SORCS3: variants seen among roughly 807,000 people sequenced by gnomAD.
The protein encoded by SORCS3 is sortilin related VPS10 domain containing receptor 3, also known as VPS10 domain-containing receptor SorCS3.
A neutral mutation model predicts 146.3 loss-of-function variants in SORCS3; 57 were observed. The ratio of observed to expected loss-of-function variants is 0.39; its 90% CI spans 0.31 to 0.49. SORCS3 has a LOEUF of 0.49. Among genes scored for constraint, SORCS3 ranks in the 20% least tolerant of loss-of-function variants. The probability of loss-of-function intolerance (pLI) is 0.92; values close to 1 mark genes in which losing one functional copy is unlikely to be tolerated. For missense variants in SORCS3, 1,341 were observed against 1,575.5 expected, an observed-to-expected ratio of 0.85 and a Z score of 2.52; for synonymous variants, 653 against 618.5, an observed-to-expected ratio of 1.06 and a Z score of -0.83.
In SORCS3 at chr10:104,838,041, G is replaced by T. The variant is rs148459735; in HGVS notation, c.628-4751G>T. Among the ~76,000 whole-genome samples the T allele has an allele frequency of 6.7e-3, 1,019 of 152,268 alleles. 11 individuals carry two copies. Among genetic ancestry groups the T allele is most frequent in the African/African-American group, 0.023 (958 of 41,544 alleles). On this transcript the variant is annotated intron_variant, in intron 1 of 26. Transcript: ENST00000369701. Reference sequence around the variant, plus strand: ...AAATGGGCGATATTATATAATACCTGCTCTGTTTCAAAGGTTTTTTGTGAA... The same window carrying T: ...AAATGGGCGATATTATATAATACCTTCTCTGTTTCAAAGGTTTTTTGTGAA...
At chr10:105,152,973 T>C (rs999636346) in intron 9 of SORCS3, among the ~76,000 whole-genome samples, 2 of 152,190 alleles carry the variant, frequency 1.3e-5, no homozygotes, top group East Asian at 3.8e-4. Flanking sequence ...GTATAATTTA[T>C]GTATAGTAAA....
At chr10:104,721,934 T>A (rs1450956735) in intron 1 of SORCS3, among the ~76,000 whole-genome samples, 3 of 152,204 alleles carry the variant, frequency 2.0e-5, no homozygotes, top group East Asian at 3.8e-4. Context: ...CAGGAACAAT[T>A]TGACTTCCTC....
rs74155043 is a variant in SORCS3 at position 104,822,206 on chromosome 10, C to T, written c.628-20586C>T. On this transcript the variant is annotated intron_variant, in intron 1 of 26. Coordinates refer to ENST00000369701, the MANE Select transcript of SORCS3 (RefSeq NM_014978.3). ...ACTGAGGCCTTAATTCCCAAGCACA[C>T]GTTGTCTGTTTCTTATCATGGAGGG... 5.9e-3 allele frequency: 2,551 copies of T among 434,406 alleles called. 57 individuals are homozygous for T. The highest frequency in any genetic ancestry group is 0.046 in the African/African-American group (2,309 of 49,660). The allele number at this position is 434,406 out of a possible 1,614,324, so 26.9% of individuals were successfully genotyped here. A position where few individuals can be genotyped will look rare whatever the true frequency, so the allele number is the denominator to read the frequency against.
At chr10:105,050,123 C>A (rs1482239742) in intron 5 of SORCS3, among the ~76,000 whole-genome samples, 2 of 151,936 alleles carry the variant, frequency 1.3e-5, no homozygotes, top group Non-Finnish European at 2.9e-5. Context: ...GTTGTATATT[C>A]CCACCTGTAA....
chr10:105,183,711 G>A (rs935599587), intron 14 of SORCS3, among the ~76,000 whole-genome samples: 2 of 152,160 alleles, frequency 1.3e-5, no homozygotes, highest in Admixed American at 1.3e-4. Flanking sequence ...CGCCAGGCTT[G>A]CCAGCAACTC....
chr10:105,212,179 A>T (rs2056638020), intron 17 of SORCS3, among the ~76,000 whole-genome samples: 1 of 152,220 alleles, frequency 6.6e-6, no homozygotes, highest in African/African-American at 2.4e-5. Context: ...CAACAAAGGA[A>T]AAAATATGAT....
At chr10:104,655,018 C>T (rs574672338) in intron 1 of SORCS3, among the ~76,000 whole-genome samples, 1 of 152,092 alleles carries the variant, frequency 6.6e-6, no homozygotes, top group Non-Finnish European at 1.5e-5. Context: ...TTTGGGAGAC[C>T]AAGGCAGACA....
intron 1 of SORCS3, among the ~76,000 whole-genome samples, chr10:104,727,073 C>A (rs1420033966): frequency 5.9e-5 from 9 of 152,162 alleles, no homozygotes; most frequent in Admixed American, 5.9e-4. Context: ...CATTGTCTCC[C>A]AATCTGAACT....
intron 1 of SORCS3, among the ~76,000 whole-genome samples, chr10:104,808,203 G>A (rs778255239): frequency 2.4e-4 from 36 of 152,144 alleles, no homozygotes; most frequent in Admixed American, 9.8e-4. Context: ...AGCAGGATAC[G>A]TTCTGCTTTT....
intron 2 of SORCS3, among the ~76,000 whole-genome samples, chr10:104,851,573 G>A (rs552939798): frequency 1.3e-5 from 2 of 152,138 alleles, no homozygotes; most frequent in Non-Finnish European, 2.9e-5. Flanking sequence ...GCATTTCCTT[G>A]CTCTCTAAGG....
At chr10:104,728,815 T>G (rs759030162) in intron 1 of SORCS3, among the ~76,000 whole-genome samples, 1 of 152,196 alleles carries the variant, frequency 6.6e-6, no homozygotes, top group Non-Finnish European at 1.5e-5. Flanking sequence ...CCAGGCTCAC[T>G]GAGAGACTAG....
intron 1 of SORCS3, among the ~76,000 whole-genome samples, chr10:104,830,475 C>T (rs1168729535): frequency 6.6e-6 from 1 of 152,102 alleles, no homozygotes; most frequent in Non-Finnish European, 1.5e-5. Flanking sequence ...AACCCAGGAG[C>T]CTGTGCTGCT....
intron 3 of SORCS3, among the ~76,000 whole-genome samples, chr10:104,935,984 G>C (rs73342171): frequency 0.048 from 7,241 of 152,214 alleles, 192 homozygotes; most frequent in Middle Eastern, 0.065. Context: ...CATTGCATCA[G>C]GTCTGTGTCC....
At chr10:104,862,942 A>G (rs1462743496) in intron 2 of SORCS3, among the ~76,000 whole-genome samples, 1 of 152,180 alleles carries the variant, frequency 6.6e-6, no homozygotes, top group Non-Finnish European at 1.5e-5. Flanking sequence ...CATCCTTGAG[A>G]TGGGAAATGT....
chr10:105,019,800 A>G (rs566215179), intron 4 of SORCS3, among the ~76,000 whole-genome samples: 23 of 152,222 alleles, frequency 1.5e-4, no homozygotes, highest in Non-Finnish European at 2.8e-4. Context: ...TACCTTGCAC[A>G]CAGAAGACCA....
intron 6 of SORCS3, among the ~76,000 whole-genome samples, chr10:105,096,904 T>A (rs946242179): frequency 6.6e-6 from 1 of 152,248 alleles, no homozygotes; most frequent in Non-Finnish European, 1.5e-5. Context: ...GATGATATGA[T>A]GAAATGATAA....
intron 3 of SORCS3, among the ~76,000 whole-genome samples, chr10:104,961,956 A>G (rs1037967451): frequency 6.6e-6 from 1 of 152,200 alleles, no homozygotes; most frequent in African/African-American, 2.4e-5. Flanking sequence ...CCTTTAAGGA[A>G]CATAATATCA....
chr10:104,739,973 G>A (rs570181730), intron 1 of SORCS3, among the ~76,000 whole-genome samples: 87 of 152,274 alleles, frequency 5.7e-4, no homozygotes, highest in African/African-American at 1.9e-3. Flanking sequence ...AGGAGATATG[G>A]TATGTTTAAT....
At chr10:105,125,708 C>CACACACACACACACAA (rs1564761149) in intron 7 of SORCS3, among the ~76,000 whole-genome samples, 2 of 151,748 alleles carry the variant, frequency 1.3e-5, no homozygotes, top group East Asian at 1.9e-4. Flanking sequence ...CACACACACA[C>CACACACACACACACAA]AAAACAGGCA....
Sources: gnomAD v4.1 joint callset for allele counts (sites outside exome capture counted in the v4.1 genomes callset) on GRCh38, gnomAD v4.1.1 for gene constraint, MANE v1.5 for transcripts, NCBI Gene and HGNC (gene_info 2026-07-23, HGNC 2026-07-21) for gene names.